The following CP variants were observed in gnomAD, a reference collection of about 807,000 sequenced individuals.
The protein encoded by CP is caeruloplasmin.
In CP, 64 loss-of-function variants were observed where a neutral mutation model predicts 122.4. The observed-to-expected ratio is 0.52, with a 90% CI of 0.43 to 0.64. The LOEUF (loss-of-function observed/expected upper bound fraction) is 0.64, where lower values mean the gene tolerates loss of function less well. Among genes scored for constraint, CP ranks in the 30% least tolerant of loss-of-function variants. The probability of loss-of-function intolerance (pLI) is 0.00; values close to 1 mark genes in which losing one functional copy is unlikely to be tolerated. For synonymous variants in CP, 440 were observed against 436.4 expected (o/e 1.01, Z -0.10); for missense variants, 1,167 against 1,284.4 (o/e 0.91, Z 1.40).
rs757977435 is a variant in CP, at chr3:149,206,207, A to G, written c.1169T>C (p.Ile390Thr). The change falls in exon 6 of 19, where the codon ATA becomes ACA. Residue 390 changes from isoleucine (I) to threonine (T), a missense_variant. Ile to Thr is a moderately conservative substitution (Grantham distance 89). Around this residue, in one of 2 missense-constraint regions of CP, gnomAD observed 642 missense variants for 627.3 expected, o/e 1.02. Transcript: ENST00000264613. Reference sequence around the variant, plus strand: ...TAAGTTTTCTTTAGTGAAGATGTCTATACCAGAGGGAGCATAGTTCCAGAT... The same window carrying G: ...TAAGTTTTCTTTAGTGAAGATGTCTGTACCAGAGGGAGCATAGTTCCAGAT... Reference protein sequence around the residue: ...EIIWNYAPSGIDIFTKENLTA... With the variant: ...EIIWNYAPSGTDIFTKENLTA... The G allele has an allele frequency of 3.7e-6, 6 of 1,613,896 alleles. No individual in the cohort carries two copies. Among genetic ancestry groups the G allele is most frequent in the East Asian group, 4.5e-5 (2 of 44,890 alleles).
In CP at chr3:149,163,858, A is replaced by T; in HGVS notation, c.*14-983T>A. 1.9e-6 allele frequency: 3 copies of T among 1,559,094 alleles called. No homozygotes were observed. The highest frequency in any genetic ancestry group is 2.7e-6 in the Non-Finnish European group (3 of 1,129,838). ...ATGTTTTAGATAAATGCCTGTAGTC[A>T]TTATGGCTTAATTTATCCATGGGTT... On this transcript the variant is annotated intron_variant, in intron 5 of 5. Coordinates refer to the CP transcript ENST00000479771.
intron 6 of CP, among the ~76,000 whole-genome samples, chr3:149,203,189 A>G (rs1307159518): frequency 2.0e-5 from 3 of 152,060 alleles, no homozygotes; most frequent in Non-Finnish European, 4.4e-5. Flanking sequence ...TTACAGGCGT[A>G]AGCCACTGCG....
intron 9 of CP, 87 bp from the exon 10 acceptor site, chr3:149,188,289 C>A: frequency 8.8e-7 from 1 of 1,132,926 alleles, no homozygotes; most frequent in South Asian, 1.4e-5. Context: ...CACAAACACA[C>A]CTAAAGGAAA....
In CP at chr3:149,220,804, A is replaced by G. The variant is rs912897896; in HGVS notation, c.146+843T>C. On this transcript the variant is annotated intron_variant, in intron 1 of 18. Coordinates refer to ENST00000264613, the MANE Select transcript of CP (RefSeq NM_000096.4). Reference sequence around the variant, plus strand: ...TTACCACTGAAATACATTTTAATGTAGTGAATATTGATTTTGAATTCCAAG... The same window carrying G: ...TTACCACTGAAATACATTTTAATGTGGTGAATATTGATTTTGAATTCCAAG... 3.9e-5 allele frequency among the ~76,000 whole-genome samples: 6 copies of G among 152,310 alleles called. 1 individual carries two copies. The highest frequency in any genetic ancestry group is 1.3e-4 in the Admixed American group (2 of 15,292).
downstream of CP, chr3:149,170,383 T>A (rs1030330652): frequency 1.1e-4 from 16 of 152,232 alleles, no homozygotes; most frequent in African/African-American, 3.6e-4. Context: ...CAATAATTCA[T>A]ATTTTTCACA....
intron 5 of CP, among the ~76,000 whole-genome samples, chr3:149,164,587 C>T (rs1559925048): frequency 6.6e-6 from 1 of 152,144 alleles, no homozygotes; most frequent in Non-Finnish European, 1.5e-5. Context: ...AATATAATTC[C>T]CACATCTGTT....
intron 9 of CP, among the ~76,000 whole-genome samples, chr3:149,192,887 CA>C (rs1726633826): frequency 6.6e-6 from 1 of 151,870 alleles, no homozygotes; most frequent in Admixed American, 6.6e-5. Context: ...AGTAAAACGG[CA>C]GAGAACAGCC....
At chr3:149,169,189 A>C (rs1310457222), downstream of CP, among the ~76,000 whole-genome samples, 1 of 152,104 alleles carries the variant, frequency 6.6e-6, no homozygotes, top group Non-Finnish European at 1.5e-5. Context: ...CTCCTATAGG[A>C]AGCATTCTGT....
intron 12 of CP, among the ~76,000 whole-genome samples, chr3:149,184,752 G>GT (rs1166233173): frequency 6.6e-6 from 1 of 152,166 alleles, no homozygotes; most frequent in African/African-American, 2.4e-5. Context: ...TTTCCTGTAA[G>GT]TTCTTAGAGG....
intron 18 of CP, among the ~76,000 whole-genome samples, chr3:149,174,107 G>T (rs1487192512): frequency 2.0e-5 from 3 of 152,084 alleles, no homozygotes; most frequent in African/African-American, 7.2e-5. Context: ...CTTGCCAAAA[G>T]TGCATAACCT....
chr3:149,166,083 T>A (rs1195474724), intron 4 of CP: 1 of 452,514 alleles, frequency 2.2e-6, no homozygotes, highest in South Asian at 1.6e-5. Flanking sequence ...ACAAGAAAAT[T>A]AGGACATGAC....
chr3:149,198,008 A>C (rs977429787), intron 9 of CP, among the ~76,000 whole-genome samples: 1 of 152,216 alleles, frequency 6.6e-6, no homozygotes, highest in African/African-American at 2.4e-5. Flanking sequence ...GACATGGGAA[A>C]TTTCTACAGG....
At chr3:149,178,092 A>G in intron 16 of CP, 113 bp from the exon 17 acceptor site, 1 of 963,352 alleles carries the variant, frequency 1.0e-6, no homozygotes, top group Middle Eastern at 2.2e-4. Context: ...ATGTAATAGG[A>G]CTTATTTTAC....
Position 149,209,346 on chromosome 3 carries a change from C to G in CP, c.646G>C (p.Glu216Gln). 6.2e-7 allele frequency: 1 copy of G among 1,613,688 alleles called. No individual in the cohort carries two copies. The highest frequency in any genetic ancestry group is 8.5e-7 in the Non-Finnish European group (1 of 1,179,734). The change falls in exon 4 of 19, where the codon GAA becomes CAA. Residue 216 changes from glutamate to glutamine, a missense_variant. Physicochemically the swap from Glu to Gln is conservative, Grantham distance 29. Around this residue, in one of 2 missense-constraint regions of CP, gnomAD observed 642 missense variants for 627.3 expected, o/e 1.02. Coordinates refer to ENST00000264613, the MANE Select transcript of CP (RefSeq NM_000096.4). ...ACCACAGAAAACATCACCACAAATTCTCGGTCAATATGTTTTTCTTTTTCT... is the reference window on the plus strand; with the variant it reads ...ACCACAGAAAACATCACCACAAATTGTCGGTCAATATGTTTTTCTTTTTCT... ...DKEKEKHIDR[E>Q]FVVMFSVVDE...
chr3:149,172,088 T>C, downstream of CP: 2 of 1,612,508 alleles, frequency 1.2e-6, no homozygotes, highest in Non-Finnish European at 1.7e-6. Context: ...TATTCTTTTC[T>C]ACACAGAAAC....
In CP at chr3:149,172,774, C is replaced by G. The variant is rs1380097788; in HGVS notation, c.*940G>C. 6.5e-6 allele frequency: 1 copy of G among 152,926 alleles called. No homozygotes were observed. The highest frequency in any genetic ancestry group is 1.5e-5 in the Non-Finnish European group (1 of 68,306). 9.5% of individuals were successfully genotyped at this position (152,926 alleles called of 1,614,324 possible). On this transcript the variant is annotated 3_prime_UTR_variant, in exon 19 of 19. Coordinates refer to ENST00000264613, the MANE Select transcript of CP (RefSeq NM_000096.4). ...TGTTACTTTTAAGAAAACTCATGCTCTGTTTCTCTGAATCAAATGAAGTAG... is the reference window on the plus strand; with the variant it reads ...TGTTACTTTTAAGAAAACTCATGCTGTGTTTCTCTGAATCAAATGAAGTAG...
chr3:149,188,199 C>T lies in CP; in HGVS notation c.1717G>A (p.Asp573Asn). Reference protein sequence around the residue: ...GSLHANGRQKDVDKEFYLFPT... With the variant: ...GSLHANGRQKNVDKEFYLFPT... Reference sequence around the variant, plus strand: ...AACAAATAGAATTCCTTGTCTACATCTTTCTGTAAATCAAAACAAAATGAG... The same window carrying T: ...AACAAATAGAATTCCTTGTCTACATTTTTCTGTAAATCAAAACAAAATGAG... The change falls in exon 10 of 19, where the codon GAT (aspartate) becomes AAT (asparagine). Residue 573 changes from aspartate (D) to asparagine (N), a missense_variant. Physicochemically the swap from Asp to Asn is conservative, Grantham distance 23. Coordinates refer to ENST00000264613, the MANE Select transcript of CP (RefSeq NM_000096.4). 6.2e-7 allele frequency: 1 copy of T among 1,610,578 alleles called. No individual in the cohort carries two copies. Among genetic ancestry groups the T allele is most frequent in the Non-Finnish European group, 8.5e-7 (1 of 1,178,942 alleles).
Position 149,178,570 on chromosome 3 carries a change from A to T in CP, c.2723T>A (p.Phe908Tyr). 6.2e-7 allele frequency: 1 copy of T among 1,613,684 alleles called. No homozygotes were observed. Among genetic ancestry groups the T allele is most frequent in the Non-Finnish European group, 8.5e-7 (1 of 1,179,676 alleles). Residue 908 changes from phenylalanine to tyrosine, a missense_variant, in exon 16 of 19, where the codon TTC becomes TAC. Physicochemically the swap from Phe to Tyr is conservative, Grantham distance 22 (BLOSUM62 3). Transcript: ENST00000264613. ...AAATTCCAGTTTCCTTCTGGGATTG[A>T]ATACTTTCAAGTAAGGTCTTCGACA... The part of the protein sequence containing the change: ...IVCRRPYLKV[F>Y]NPRRKLEFAL...
chr3:149,172,203 G>T (rs527240120), downstream of CP: 13 of 1,613,182 alleles, frequency 8.1e-6, no homozygotes, highest in East Asian at 2.5e-4. Context: ...TATTGCAGTC[G>T]AAAGAAACCA....
Sources: gnomAD v4.1 joint callset for allele counts (sites outside exome capture counted in the v4.1 genomes callset) on GRCh38, gnomAD v4.1.1 for gene constraint, gnomAD v4.1.1 regional missense constraint, MANE v1.5 for transcripts, NCBI Gene and HGNC (gene_info 2026-07-23, HGNC 2026-07-21) for gene names.